The following BCL2A1 variants were observed in gnomAD, a reference collection of about 807,000 sequenced individuals.
BCL2A1 encodes the protein bcl-2-related protein A1.
In BCL2A1, 10 loss-of-function variants were observed where a neutral mutation model predicts 14.4. That is an observed-to-expected ratio of 0.69 (90% CI 0.43 to 1.18). The LOEUF is 1.18. Among genes scored for constraint, BCL2A1 ranks in the 50% most tolerant of loss-of-function variants. BCL2A1 has a pLI of 0.00. For missense variants in BCL2A1, 158 were observed against 205.0 expected, an observed-to-expected ratio of 0.77 and a Z score of 1.40; for synonymous variants, 71 against 76.5, an observed-to-expected ratio of 0.93 and a Z score of 0.38.
rs186272640 is a variant in BCL2A1 at position 79,964,487 on chromosome 15, A to T, written c.421-3313T>A. 1.8e-3 allele frequency among the ~76,000 whole-genome samples: 273 copies of T among 152,278 alleles called. 3 individuals are homozygous for T. The highest frequency in any genetic ancestry group is 6.4e-3 in the African/African-American group (267 of 41,556). On this transcript the variant is annotated intron_variant, in intron 1 of 1. Transcript: ENST00000267953. ...GTTTCAAAAAAACAAACAAACAAAC[A>T]AAATACACGCAAACACCATTATGTT...
intron 1 of BCL2A1, chr15:79,967,538 G>A (rs1212400579): frequency 9.7e-6 from 13 of 1,343,286 alleles, no homozygotes; most frequent in Non-Finnish European, 1.3e-5. Context: ...TTGATTCAAA[G>A]TTTTCATAAA....
intron 1 of BCL2A1, chr15:79,967,776 T>C (rs1025508309): frequency 5.4e-6 from 5 of 919,114 alleles, no homozygotes; most frequent in Admixed American, 2.0e-5. Flanking sequence ...CAGTTTTCCA[T>C]GCCAGTTTGC....
In BCL2A1 at chr15:79,960,908, C is replaced by G; in HGVS notation, c.*159G>C. The G allele has an allele frequency of 1.7e-6, 2 of 1,209,540 alleles. No homozygotes were observed. Among genetic ancestry groups the G allele is most frequent in the Non-Finnish European group, 2.3e-6 (2 of 856,096 alleles). 74.9% of individuals were successfully genotyped at this position (1,209,540 alleles called of 1,614,324 possible). ...AATGGCATATAGAGAAAAATACATACAATTTATTCATTACATGGGGACAAA... is the reference window on the plus strand; with the variant it reads ...AATGGCATATAGAGAAAAATACATAGAATTTATTCATTACATGGGGACAAA... On this transcript the variant is annotated 3_prime_UTR_variant, in exon 2 of 2. Coordinates refer to ENST00000267953, the MANE Select transcript of BCL2A1 (RefSeq NM_004049.4).
At chr15:79,967,038 A>G (rs560277451) in intron 1 of BCL2A1, among the ~76,000 whole-genome samples, 1 of 152,266 alleles carries the variant, frequency 6.6e-6, no homozygotes, top group South Asian at 2.1e-4. Flanking sequence ...TTTGATCCTT[A>G]TACCAGTCCC....
chr15:79,963,278 G>A (rs181774193), intron 1 of BCL2A1, among the ~76,000 whole-genome samples: 36 of 152,208 alleles, frequency 2.4e-4, no homozygotes, highest in Admixed American at 1.4e-3. Context: ...ATGAGCCACC[G>A]TGCCTAGCCT....
intron 1 of BCL2A1, among the ~76,000 whole-genome samples, chr15:79,963,529 T>C (rs914792376): frequency 1.3e-5 from 2 of 152,246 alleles, no homozygotes; most frequent in East Asian, 3.8e-4. Flanking sequence ...ACCTATTAAA[T>C]TGGCTTTGTT....
chr15:79,970,193 C>G (rs2035580738), intron 1 of BCL2A1, among the ~76,000 whole-genome samples: 1 of 151,998 alleles, frequency 6.6e-6, no homozygotes, highest in Non-Finnish European at 1.5e-5. Context: ...ATATATGTTA[C>G]TATTTATTAT....
chr15:79,971,019 G>A lies in BCL2A1; in HGVS notation c.101C>T (p.Ser34Phe), dbSNP rs2035588735. ...PQPGSGPSKTSRVLQNVAFSV... is the reference protein window; with the variant it reads ...PQPGSGPSKTFRVLQNVAFSV... ...GAACGCAACATTTTGTAGCACTCTGGACGTTTTGCTTGGACCTGATCCAGG... is the reference window on the plus strand; with the variant it reads ...GAACGCAACATTTTGTAGCACTCTGAACGTTTTGCTTGGACCTGATCCAGG... Residue 34 changes from serine (S) to phenylalanine (F), a missense_variant, in exon 1 of 2, where the codon TCC (serine) becomes TTC (phenylalanine). Ser to Phe is a radical substitution (Grantham distance 155, BLOSUM62 -2). Transcript: ENST00000267953. 6.2e-7 allele frequency: 1 copy of A among 1,614,176 alleles called. No individual in the cohort carries two copies. Among genetic ancestry groups the A allele is most frequent in the Non-Finnish European group, 8.5e-7 (1 of 1,180,034 alleles).
intron 1 of BCL2A1, 83 bp downstream of exon 1, chr15:79,970,617 T>C: frequency 2.2e-6 from 3 of 1,364,982 alleles, no homozygotes; most frequent in Non-Finnish European, 3.0e-6. Flanking sequence ...GTAAAGTGTT[T>C]TGTTGTTGTT....
intron 1 of BCL2A1, among the ~76,000 whole-genome samples, chr15:79,969,831 T>C (rs78946637): frequency 3.3e-5 from 5 of 152,202 alleles, no homozygotes; most frequent in African/African-American, 1.2e-4. Context: ...TGCAAAATAA[T>C]TGATAACAGT....
At chr15:79,964,199 G>A (rs2035516379) in intron 1 of BCL2A1, among the ~76,000 whole-genome samples, 2 of 152,130 alleles carry the variant, frequency 1.3e-5, no homozygotes, top group South Asian at 4.1e-4. Flanking sequence ...TATTATTTCT[G>A]GGAATGGTGA....
In BCL2A1 at chr15:79,961,072, A is replaced by G. The variant is rs751347105; in HGVS notation, c.523T>C (p.Cys175Arg). 6 of 1,614,090 alleles carry G rather than the reference A, an allele frequency of 3.7e-6. No individual in the cohort carries two copies. Among genetic ancestry groups the G allele is most frequent in the South Asian group, 1.1e-5 (1 of 91,078 alleles). ...CEMLSLLKQYC is the reference protein window; with the variant it reads ...CEMLSLLKQYR ...ATATGGAGTGTCCTTTCTGGTCAAC[A>G]GTATTGCTTCAGGAGAGATAGCATT... Residue 175 changes from cysteine to arginine, a missense_variant, in exon 2 of 2, where the codon TGT becomes CGT. Transcript: ENST00000267953.
intron 1 of BCL2A1, among the ~76,000 whole-genome samples, chr15:79,964,085 A>G (rs2035515414): frequency 6.6e-6 from 1 of 152,272 alleles, no homozygotes; most frequent in East Asian, 1.9e-4. Context: ...ATTTTCTTTA[A>G]TGATGCTATT....
intron 1 of BCL2A1, among the ~76,000 whole-genome samples, chr15:79,961,706 G>C (rs2141702853): frequency 6.6e-6 from 1 of 152,210 alleles, no homozygotes; most frequent in East Asian, 1.9e-4. Flanking sequence ...AGAACTCACA[G>C]TAAATCCAAA....
At chr15:79,966,554 T>C (rs890798324) in intron 1 of BCL2A1, among the ~76,000 whole-genome samples, 2 of 152,156 alleles carry the variant, frequency 1.3e-5, no homozygotes, top group Non-Finnish European at 2.9e-5. Context: ...AGAAGACCCA[T>C]CTGGTTCAAA....
At chr15:79,964,665 G>A (rs539675821) in intron 1 of BCL2A1, among the ~76,000 whole-genome samples, 37 of 152,274 alleles carry the variant, frequency 2.4e-4, no homozygotes, top group Middle Eastern at 3.4e-3. Flanking sequence ...ACATTTTCAC[G>A]GCAGACACAG....
chr15:79,966,806 G>A (rs2035545580), intron 1 of BCL2A1, among the ~76,000 whole-genome samples: 1 of 141,368 alleles, frequency 7.1e-6, no homozygotes, highest in South Asian at 2.3e-4. Context: ...AAGAAGGCAG[G>A]AAGGCAGGAA....
intron 1 of BCL2A1, among the ~76,000 whole-genome samples, chr15:79,969,446 C>G (rs1308553231): frequency 2.0e-5 from 3 of 152,082 alleles, no homozygotes; most frequent in Non-Finnish European, 4.4e-5. Flanking sequence ...ACAGCAAACT[C>G]GAAATAACCT....
At chr15:79,966,427 T>C (rs2035542299) in intron 1 of BCL2A1, among the ~76,000 whole-genome samples, 1 of 152,186 alleles carries the variant, frequency 6.6e-6, no homozygotes, top group Admixed American at 6.5e-5. Context: ...AGGCATGAGG[T>C]ACACAGTGAT....
Sources: gnomAD v4.1 joint callset for allele counts (sites outside exome capture counted in the v4.1 genomes callset) on GRCh38, gnomAD v4.1.1 for gene constraint, MANE v1.5 for transcripts, NCBI Gene and HGNC (gene_info 2026-07-23, HGNC 2026-07-21) for gene names.